Variants in MYT1L observed in about 807,000 individuals in gnomAD.
MYT1L encodes the protein myelin transcription factor 1-like protein.
A neutral mutation model predicts 126.7 loss-of-function variants in MYT1L; 12 were observed. The observed-to-expected ratio is 0.09, with a 90% CI of 0.06 to 0.15. The LOEUF (loss-of-function observed/expected upper bound fraction) is 0.15. Ranked by LOEUF, MYT1L falls within the 10% of genes least tolerant of loss-of-function variation. The pLI is 1.00. For synonymous variants in MYT1L, 541 were observed against 604.2 expected (o/e 0.90, Z 1.53); for missense variants, 979 against 1,585.2 (o/e 0.62, Z 6.49).
At chr2:2,117,845 A>C (rs1442386569) in intron 3 of MYT1L, among the ~76,000 whole-genome samples, 2 of 152,068 alleles carry the variant, frequency 1.3e-5, no homozygotes, top group African/African-American at 2.4e-5. Flanking sequence ...AAATAATGAG[A>C]CAGAGCCAGA....
chr2:1,816,286 G>A (rs573753991), intron 21 of MYT1L: 206 of 152,830 alleles, frequency 1.3e-3, no homozygotes, highest in Non-Finnish European at 2.4e-3. Flanking sequence ...TCTGAGCTAC[G>A]CTGTATGGAT....
intron 2 of MYT1L, among the ~76,000 whole-genome samples, chr2:2,240,630 T>G (rs934398049): frequency 6.6e-6 from 1 of 152,224 alleles, no homozygotes; most frequent in African/African-American, 2.4e-5. Context: ...AATGCAGCTC[T>G]TACTTCCATA....
chr2:1,889,329 A>G lies in MYT1L; in HGVS notation c.2432T>C (p.Leu811Pro). ...CAAGTCCCAGCAGTCGCCCTCGCCC[A>G]GCTGGAAACACCGGTTGTTCATCAC... ...QAVMNNRCFQLGEGDCWDLPV... is the reference protein window; with the variant it reads ...QAVMNNRCFQPGEGDCWDLPV... Residue 811 changes from leucine to proline, a missense_variant, in exon 16 of 25, where the codon CTG becomes CCG. Leu to Pro is a moderately conservative substitution (Grantham distance 98, BLOSUM62 -3). Around this residue, in one of 12 missense-constraint regions of MYT1L, gnomAD observed 141 missense variants for 170.6 expected, o/e 0.83. Transcript: ENST00000647738. The surrounding 1 kb of genome is among the most constrained non-coding windows in gnomAD (Gnocchi z 4.1). 1 of 1,613,926 alleles carries G rather than the reference A, an allele frequency of 6.2e-7. No individual in the cohort carries two copies. The highest frequency in any genetic ancestry group is 8.5e-7 in the Non-Finnish European group (1 of 1,179,902).
In MYT1L at chr2:1,791,752, T is replaced by C; in HGVS notation, c.*115A>G. 9.3e-7 allele frequency: 1 copy of C among 1,070,178 alleles called. No homozygotes were observed. Among genetic ancestry groups the C allele is most frequent in the Non-Finnish European group, 1.3e-6 (1 of 761,278 alleles). 66.3% of individuals were successfully genotyped at this position (1,070,178 alleles called of 1,614,324 possible). On this transcript the variant is annotated 3_prime_UTR_variant, in exon 25 of 25. Transcript: ENST00000647738. This position sits in a 1 kb window ranked among gnomAD's most constrained non-coding sequence, Gnocchi z 6.0. ...AAATCATTATGAAGTCTTGTAAGCATAACACTGTTTCAAATTCAAACAGAA... is the reference window on the plus strand; with the variant it reads ...AAATCATTATGAAGTCTTGTAAGCACAACACTGTTTCAAATTCAAACAGAA...
intron 3 of MYT1L, among the ~76,000 whole-genome samples, chr2:2,072,459 T>C (rs2074715036): frequency 6.6e-6 from 1 of 152,240 alleles, no homozygotes; most frequent in Non-Finnish European, 1.5e-5. Flanking sequence ...CAGAATCGTC[T>C]TCCTGTCCTC....
At chr2:2,076,151 G>C (rs1358549845) in intron 3 of MYT1L, among the ~76,000 whole-genome samples, 1 of 152,190 alleles carries the variant, frequency 6.6e-6, no homozygotes, top group African/African-American at 2.4e-5. Context: ...GCCTGGCTGG[G>C]AGTTGAATAA....
At chr2:2,155,257 T>A (rs1194822966) in intron 3 of MYT1L, among the ~76,000 whole-genome samples, 3 of 152,210 alleles carry the variant, frequency 2.0e-5, no homozygotes, top group Non-Finnish European at 4.4e-5. Flanking sequence ...TGTGTTGTGA[T>A]CACCAAATAT....
intron 4 of MYT1L, among the ~76,000 whole-genome samples, chr2:2,027,475 G>A: frequency 6.6e-6 from 1 of 152,190 alleles, no homozygotes; most frequent in East Asian, 1.9e-4. Context: ...TGGATTCATG[G>A]GGATGATGTA....
At chr2:1,951,319 G>A (rs1388779185) in intron 8 of MYT1L, among the ~76,000 whole-genome samples, 1 of 151,992 alleles carries the variant, frequency 6.6e-6, no homozygotes, top group Non-Finnish European at 1.5e-5. Context: ...GGGGTTTGGG[G>A]ACTGGGGAGG....
intron 2 of MYT1L, among the ~76,000 whole-genome samples, chr2:2,231,370 G>T (rs1354570530): frequency 3.9e-5 from 6 of 152,208 alleles, no homozygotes; most frequent in African/African-American, 1.4e-4. Flanking sequence ...ACAAACATTT[G>T]TAGGTTGACT....
chr2:2,240,293 C>CTAAATAAA lies in MYT1L; in HGVS notation c.-421+44103_-421+44110dup, dbSNP rs532182932. On this transcript the variant is annotated intron_variant, in intron 2 of 24. Coordinates refer to ENST00000647738, the MANE Select transcript of MYT1L (RefSeq NM_001303052.2). ...GGGCAAAAAGAGCGAAACTCCGTCT[C>CTAAATAAA]TAAATAAATAAATAAATAAATGGTA... Among the ~76,000 whole-genome samples the CTAAATAAA allele has an allele frequency of 9.1e-3, 1,376 of 151,832 alleles. 16 individuals are homozygous for CTAAATAAA. The highest frequency in any genetic ancestry group is 0.031 in the African/African-American group (1,279 of 41,332).
intron 2 of MYT1L, among the ~76,000 whole-genome samples, chr2:2,205,246 AC>A (rs2093268373): frequency 6.6e-6 from 1 of 152,110 alleles, no homozygotes; most frequent in Non-Finnish European, 1.5e-5. Context: ...GTGCACATGT[AC>A]CCTAAAACGT....
intron 2 of MYT1L, among the ~76,000 whole-genome samples, chr2:2,177,998 A>G (rs2091012368): frequency 6.6e-6 from 1 of 152,182 alleles, no homozygotes; most frequent in Non-Finnish European, 1.5e-5. Flanking sequence ...ACAACTAAGA[A>G]AAACTTTCAC....
At chr2:1,870,009 T>G (rs1164822584) in intron 18 of MYT1L, among the ~76,000 whole-genome samples, 7 of 152,192 alleles carry the variant, frequency 4.6e-5, no homozygotes, top group Non-Finnish European at 7.3e-5. Flanking sequence ...GTAAGGTTGA[T>G]GAGCCATCAG....
chr2:2,137,422 C>T (rs762277730), intron 3 of MYT1L, among the ~76,000 whole-genome samples: 61 of 152,202 alleles, frequency 4.0e-4, no homozygotes, highest in Non-Finnish European at 1.5e-4. Flanking sequence ...AAGCATCACG[C>T]TACCTGACTT....
chr2:1,883,237 T>C (rs1251705580), intron 18 of MYT1L, among the ~76,000 whole-genome samples: 1 of 152,228 alleles, frequency 6.6e-6, no homozygotes, highest in African/African-American at 2.4e-5. Context: ...GAAGCCTATT[T>C]GTTGGCTCCT....
chr2:2,066,409 C>T (rs978864913), intron 3 of MYT1L, among the ~76,000 whole-genome samples: 6 of 152,230 alleles, frequency 3.9e-5, no homozygotes, highest in Non-Finnish European at 7.3e-5. Context: ...CTCTTCCCTG[C>T]TGTGTGATCA....
At position 2,250,559 on chromosome 2, in the gene MYT1L, A is replaced by C. The variant is rs1326528765; in HGVS notation, c.-421+33845T>G. On this transcript the variant is annotated intron_variant, in intron 2 of 24. Coordinates refer to ENST00000647738, the MANE Select transcript of MYT1L (RefSeq NM_001303052.2). ...GGGGAAGTGGGGATGGTGAAAGGGT[A>C]CAAAAAAAAAAAAAAAGGACAAATA... Among the ~76,000 whole-genome samples the C allele has an allele frequency of 2.2e-5, 3 of 136,014 alleles. No individual in the cohort carries two copies. The East Asian group carries it at 6.5e-4, about 30-fold the overall frequency. The allele number at this position is 136,014 out of a possible 152,430, so 89.2% of individuals were successfully genotyped here.
At chr2:2,006,482 T>C (rs1282840660) in intron 4 of MYT1L, among the ~76,000 whole-genome samples, 3 of 152,220 alleles carry the variant, frequency 2.0e-5, no homozygotes, top group Admixed American at 6.5e-5. Flanking sequence ...ATCCCACATA[T>C]CTGCTATTTT....
Sources: gnomAD v4.1 joint callset for allele counts (sites outside exome capture counted in the v4.1 genomes callset) on GRCh38, gnomAD v4.1.1 for gene constraint, gnomAD v4.1.1 regional missense constraint, Gnocchi (gnomAD v3.1) non-coding constraint, MANE v1.5 for transcripts, NCBI Gene and HGNC (gene_info 2026-07-23, HGNC 2026-07-21) for gene names.